Variants in EYS observed in about 807,000 individuals in gnomAD.
EYS encodes the protein protein eyes shut homolog.
A neutral mutation model predicts 282.1 loss-of-function variants in EYS; 250 were observed. The ratio of observed to expected loss-of-function variants is 0.89; its 90% CI spans 0.80 to 0.98. The LOEUF (loss-of-function observed/expected upper bound fraction) is 0.98. Among genes scored for constraint, EYS ranks in the 50% least tolerant of loss-of-function variants. The pLI is 0.00. For missense variants in EYS, 4,016 were observed against 3,709.0 expected, an observed-to-expected ratio of 1.08 and a Z score of -2.15; for synonymous variants, 1,355 against 1,282.9, an observed-to-expected ratio of 1.06 and a Z score of -1.20.
intron 14 of EYS, among the ~76,000 whole-genome samples, chr6:64,965,738 T>A (rs1055879585): frequency 6.6e-6 from 1 of 152,140 alleles, no homozygotes; most frequent in African/African-American, 2.4e-5. Flanking sequence ...ATTGCTTGCT[T>A]TTTTATAGTT....
intron 2 of EYS, among the ~76,000 whole-genome samples, chr6:65,585,208 T>C (rs1371796785): frequency 1.3e-5 from 2 of 151,918 alleles, no homozygotes; most frequent in African/African-American, 2.4e-5. Context: ...TAAAAATAAA[T>C]GTATGAACAG....
At chr6:64,944,130 A>G (rs1003448966) in intron 15 of EYS, among the ~76,000 whole-genome samples, 4 of 152,140 alleles carry the variant, frequency 2.6e-5, no homozygotes, top group African/African-American at 9.6e-5. Context: ...AGGACCCCCT[A>G]TTCAATAAAT....
At chr6:64,333,747 A>G (rs1365692025) in intron 29 of EYS, among the ~76,000 whole-genome samples, 2 of 152,214 alleles carry the variant, frequency 1.3e-5, no homozygotes, top group Non-Finnish European at 2.9e-5. Context: ...TAGGTTTTAT[A>G]AATCTTTCAA....
At chr6:64,631,699 G>T (rs1181788497) in intron 22 of EYS, 1 of 151,950 alleles carries the variant, frequency 6.6e-6, no homozygotes, top group African/African-American at 2.4e-5. Flanking sequence ...AAATTATGAG[G>T]CACATAACAA....
At chr6:64,002,268 G>A (rs994663999) in intron 33 of EYS, among the ~76,000 whole-genome samples, 4 of 152,146 alleles carry the variant, frequency 2.6e-5, no homozygotes, top group African/African-American at 9.7e-5. Context: ...GCTCCCATCC[G>A]TCTTGCTGAG....
chr6:64,399,019 G>T (rs1773466097), intron 28 of EYS, among the ~76,000 whole-genome samples: 1 of 151,668 alleles, frequency 6.6e-6, no homozygotes, highest in South Asian at 2.1e-4. Flanking sequence ...AAATAAAAAA[G>T]CACAACTGCT....
intron 31 of EYS, among the ~76,000 whole-genome samples, chr6:64,207,667 C>T (rs1425618414): frequency 7.8e-6 from 1 of 128,090 alleles, no homozygotes; most frequent in African/African-American, 2.8e-5. Context: ...AGGTTTATGC[C>T]AACTTTATTT....
intron 31 of EYS, among the ~76,000 whole-genome samples, chr6:64,088,118 T>C (rs1772221678): frequency 6.6e-6 from 1 of 152,098 alleles, no homozygotes; most frequent in African/African-American, 2.4e-5. Flanking sequence ...ATTTTCATTA[T>C]CACCGTGTTT....
intron 15 of EYS, among the ~76,000 whole-genome samples, chr6:64,938,392 T>G (rs1426294424): frequency 1.3e-5 from 2 of 151,636 alleles, no homozygotes; most frequent in African/African-American, 4.8e-5. Context: ...CAGTATGTTA[T>G]GATTTTTCTA....
chr6:65,422,267 C>G lies in EYS; in HGVS notation c.863-16900G>C, dbSNP rs1243633724. Reference sequence around the variant, plus strand: ...AGAGCATGGAAAATAAATAAAGCTTCCAATCTAATCTCAAGAAGTTATTGT... The same window carrying G: ...AGAGCATGGAAAATAAATAAAGCTTGCAATCTAATCTCAAGAAGTTATTGT... On this transcript the variant is annotated intron_variant, in intron 5 of 42. Coordinates refer to ENST00000503581, the MANE Select transcript of EYS (RefSeq NM_001142800.2). Among the ~76,000 whole-genome samples, 10 of 151,868 alleles carry G rather than the reference C, an allele frequency of 6.6e-5. No individual in the cohort carries two copies. The Admixed American group carries it at 6.6e-4, about 10-fold the overall frequency.
intron 29 of EYS, among the ~76,000 whole-genome samples, chr6:64,372,237 T>C (rs982845179): frequency 2.0e-5 from 3 of 149,486 alleles, no homozygotes; most frequent in African/African-American, 5.0e-5. Flanking sequence ...GGTCTGGTGG[T>C]AAAAAATTCT....
chr6:64,216,735 G>A (rs1765939843), intron 31 of EYS, among the ~76,000 whole-genome samples: 1 of 152,180 alleles, frequency 6.6e-6, no homozygotes, highest in South Asian at 2.1e-4. Flanking sequence ...CCTTGCTGGT[G>A]AAGCATGCTT....
At chr6:64,239,323 C>T (rs1005033802) in intron 30 of EYS, among the ~76,000 whole-genome samples, 7 of 152,118 alleles carry the variant, frequency 4.6e-5, no homozygotes, top group African/African-American at 1.7e-4. Context: ...ATTGAGGAAT[C>T]ACCACACTGT....
chr6:64,807,087 G>C (rs910428277), intron 22 of EYS, among the ~76,000 whole-genome samples: 2 of 152,030 alleles, frequency 1.3e-5, no homozygotes, highest in African/African-American at 4.8e-5. Context: ...AATACTTATG[G>C]ATTTCTGAAA....
At chr6:65,173,990 A>G (rs1317339542) in intron 12 of EYS, among the ~76,000 whole-genome samples, 2 of 151,236 alleles carry the variant, frequency 1.3e-5, no homozygotes, top group Non-Finnish European at 1.5e-5. Context: ...TAAAGATAAC[A>G]TAAGGACTCT....
chr6:64,578,583 C>G (rs1162127075), intron 26 of EYS, among the ~76,000 whole-genome samples: 1 of 149,274 alleles, frequency 6.7e-6, no homozygotes, highest in African/African-American at 2.5e-5. Context: ...ATCACATTCT[C>G]TTTCTCTCTC....
intron 1 of EYS, among the ~76,000 whole-genome samples, chr6:65,699,016 C>G (rs1204104308): frequency 2.0e-5 from 3 of 152,166 alleles, no homozygotes; most frequent in African/African-American, 7.2e-5. Context: ...TTTGATTCAG[C>G]ACGAGCTTTA....
intron 31 of EYS, among the ~76,000 whole-genome samples, chr6:64,223,672 A>G (rs1444378545): frequency 6.6e-6 from 1 of 152,064 alleles, no homozygotes; most frequent in Non-Finnish European, 1.5e-5. Context: ...TGATTTTAAT[A>G]ATTCTACAAA....
In EYS at chr6:65,172,027, C is replaced by T. The variant is rs527700513; in HGVS notation, c.2024-114300G>A. Among the ~76,000 whole-genome samples the T allele has an allele frequency of 1.8e-4, 28 of 151,420 alleles. 1 individual carries two copies. Among genetic ancestry groups the T allele is most frequent in the African/African-American group, 4.8e-4 (20 of 41,406 alleles). ...TGATCATGGAAATTTCCCAGAACTC[C>T]AAATGTTTAGTTTAACTTTGGCATA... On this transcript the variant is annotated intron_variant, in intron 12 of 42. Transcript: ENST00000503581.
Sources: allele counts gnomAD v4.1 joint callset (sites outside exome capture counted in the v4.1 genomes callset), GRCh38; gene constraint gnomAD v4.1.1; transcripts MANE v1.5; gene names NCBI Gene and HGNC (gene_info 2026-07-23, HGNC 2026-07-21).